Variants in NNMT observed in about 807,000 individuals in gnomAD.
NNMT encodes nicotinamide N-methyltransferase.
In NNMT, 10 loss-of-function variants were observed where a neutral mutation model predicts 11.7. The ratio of observed to expected loss-of-function variants is 0.85; its 90% CI spans 0.53 to 1.45. The LOEUF is 1.45. Ranked by LOEUF, NNMT falls within the 40% of genes most tolerant of loss-of-function variation. The pLI, the probability that NNMT is intolerant of heterozygous loss-of-function variation, is 0.00. For synonymous variants in NNMT, 143 were observed against 133.8 expected, an observed-to-expected ratio of 1.07 and a Z score of -0.48; for missense variants, 381 against 319.4, an observed-to-expected ratio of 1.19 and a Z score of -1.47.
At chr11:114,295,438 T>TTTC, upstream of NNMT, among the ~76,000 whole-genome samples, 2 of 144,854 alleles carry the variant, frequency 1.4e-5, no homozygotes, top group East Asian at 4.0e-4. Context: ...TTTTTTTTTT[T>TTTC]TTTTGAGACA....
chr11:114,289,239 C>A (rs1941405), intron 2 of NNMT, among the ~76,000 whole-genome samples: 3,556 of 152,272 alleles, frequency 0.023, 139 homozygotes, highest in African/African-American at 0.079. Context: ...TGAGGTTCCC[C>A]TTTTTATTCC....
At chr11:114,293,776 A>C (rs755180263), upstream of NNMT, among the ~76,000 whole-genome samples, 6 of 152,056 alleles carry the variant, frequency 3.9e-5, no homozygotes, top group Non-Finnish European at 7.4e-5. Context: ...CAGCAATCCT[A>C]TTGCCAGGTA....
At chr11:114,267,775 C>G (rs1339097398) in intron 2 of NNMT, among the ~76,000 whole-genome samples, 1 of 152,164 alleles carries the variant, frequency 6.6e-6, no homozygotes, top group Non-Finnish European at 1.5e-5. Context: ...ACGACATACT[C>G]CAATTCATGC....
At chr11:114,300,521 A>G (rs1167126166) in intron 2 of NNMT, among the ~76,000 whole-genome samples, 1 of 152,216 alleles carries the variant, frequency 6.6e-6, no homozygotes, top group African/African-American at 2.4e-5. Context: ...GTTTCTATAA[A>G]TATCAATTAA....
chr11:114,265,999 C>G (rs1252285088), intron 2 of NNMT, among the ~76,000 whole-genome samples: 2 of 152,080 alleles, frequency 1.3e-5, no homozygotes. Context: ...TAATAATGAG[C>G]CTTTAATGCT....
intron 2 of NNMT, among the ~76,000 whole-genome samples, chr11:114,310,532 A>G (rs546318557): frequency 6.6e-6 from 1 of 152,380 alleles, no homozygotes; most frequent in African/African-American, 2.4e-5. Context: ...TATTTAAACC[A>G]TTGACTTTTC....
chr11:114,311,755 A>G (rs1945550661), intron 2 of NNMT, among the ~76,000 whole-genome samples: 1 of 152,234 alleles, frequency 6.6e-6, no homozygotes, highest in Non-Finnish European at 1.5e-5. Context: ...TAAGCAGTGA[A>G]GGAAGAATAA....
At chr11:114,305,505 C>A (rs551149209) in intron 2 of NNMT, among the ~76,000 whole-genome samples, 3 of 141,228 alleles carry the variant, frequency 2.1e-5, no homozygotes, top group East Asian at 4.7e-4. Context: ...CCCCTCCCCC[C>A]ACCCCACGAC....
rs1591836532 is a variant in NNMT at position 114,298,337 on chromosome 11, T to C, written c.362+179T>C. On this transcript the variant is annotated intron_variant, in intron 2 of 2. Coordinates refer to ENST00000299964, the MANE Select transcript of NNMT (RefSeq NM_006169.3). Reference sequence around the variant, plus strand: ...GTGCATGTTAGTAAATTTGTGTATGTGCACGTGCATGTGTGCACCAGAGTA... The same window carrying C: ...GTGCATGTTAGTAAATTTGTGTATGCGCACGTGCATGTGTGCACCAGAGTA... 21 of 592,316 alleles carry C rather than the reference T, an allele frequency of 3.5e-5. No individual in the cohort carries two copies. In the East Asian group the frequency reaches 6.0e-4, roughly 17 times the overall value. 36.7% of individuals were successfully genotyped at this position (592,316 alleles called of 1,614,324 possible). A position where few individuals can be genotyped will look rare whatever the true frequency, so the allele number is the denominator to read the frequency against.
At chr11:114,286,884 T>C (rs1214719650) in intron 2 of NNMT, among the ~76,000 whole-genome samples, 2 of 152,228 alleles carry the variant, frequency 1.3e-5, no homozygotes, top group African/African-American at 4.8e-5. Flanking sequence ...ACATGCCTGC[T>C]AGAAATACAC....
chr11:114,280,728 C>A (rs1034285697), intron 2 of NNMT, among the ~76,000 whole-genome samples: 1 of 152,130 alleles, frequency 6.6e-6, no homozygotes, highest in Non-Finnish European at 1.5e-5. Context: ...GCTGCAGGCA[C>A]CTGACCAAGA....
intron 2 of NNMT, among the ~76,000 whole-genome samples, chr11:114,311,193 G>A (rs1032774024): frequency 6.6e-6 from 1 of 152,184 alleles, no homozygotes; most frequent in African/African-American, 2.4e-5. Flanking sequence ...GCCTGGTATG[G>A]TGGTGCAAGC....
intron 1 of NNMT, among the ~76,000 whole-genome samples, chr11:114,258,263 A>C (rs557572886): frequency 6.6e-6 from 1 of 151,776 alleles, no homozygotes. Context: ...AGCTCCCCGC[A>C]TGCCCTGTAG....
chr11:114,295,392 A>G (rs1945365645), upstream of NNMT, among the ~76,000 whole-genome samples: 1 of 144,894 alleles, frequency 6.9e-6, no homozygotes, highest in Non-Finnish European at 1.5e-5. Context: ...TCTCAAAGTG[A>G]GTTCAGAAAA....
intron 2 of NNMT, among the ~76,000 whole-genome samples, chr11:114,285,137 C>A (rs1945289060): frequency 6.6e-6 from 1 of 152,128 alleles, no homozygotes; most frequent in South Asian, 2.1e-4. Context: ...CTCTCCCTCC[C>A]TCCTTGGCAT....
chr11:114,309,152 ACAC>A (rs1353537806), intron 2 of NNMT, among the ~76,000 whole-genome samples: 1 of 152,210 alleles, frequency 6.6e-6, no homozygotes, highest in East Asian at 1.9e-4. Context: ...CTTTTGATAT[ACAC>A]TTTATTATTA....
At position 114,260,577 on chromosome 11, in the gene NNMT, C is replaced by T. The variant is rs1451595153; in HGVS notation, c.-216-2271C>T. Among the ~76,000 whole-genome samples, 4 of 152,236 alleles carry T rather than the reference C, an allele frequency of 2.6e-5. No individual in the cohort carries two copies. In the South Asian group the frequency reaches 6.2e-4, roughly 24 times the overall value. On this transcript the variant is annotated intron_variant, in intron 1 of 4. Coordinates refer to the NNMT transcript ENST00000535401. ...GCTCCGGGCTCCGGTGTGGTCAAGC[C>T]CTGCTGGTTCTCCCATTCTGGGGTA... is the stretch of plus-strand genomic sequence containing the variant.
chr11:114,295,561 A>ACTGCAGG (rs1945368113), upstream of NNMT, among the ~76,000 whole-genome samples: 4 of 149,290 alleles, frequency 2.7e-5, no homozygotes, highest in African/African-American at 9.9e-5. Context: ...AGTAGCTGGG[A>ACTGCAGG]CTGCAGGTGC....
At chr11:114,259,347 T>TGA (rs1555163660) in intron 1 of NNMT, among the ~76,000 whole-genome samples, 3 of 115,246 alleles carry the variant, frequency 2.6e-5, no homozygotes, top group African/African-American at 1.1e-4. Context: ...AGAGGCCCAG[T>TGA]GGGGGGGGGG....
Sources: allele counts gnomAD v4.1 joint callset (sites outside exome capture counted in the v4.1 genomes callset), GRCh38; gene constraint gnomAD v4.1.1; transcripts MANE v1.5; gene names NCBI Gene and HGNC (gene_info 2026-07-23, HGNC 2026-07-21).